Variants in MYCBP2 observed in about 807,000 individuals in gnomAD.
MYCBP2 encodes the protein MYC binding protein 2.
A neutral mutation model predicts 525.3 loss-of-function variants in MYCBP2; 120 were observed. That is an observed-to-expected ratio of 0.23 (90% confidence interval 0.20 to 0.27). MYCBP2 has a LOEUF of 0.27. Ranked by LOEUF, MYCBP2 falls within the 10% of genes least tolerant of loss-of-function variation. MYCBP2 has a pLI of 1.00. For synonymous variants in MYCBP2, 1,894 were observed against 1,955.8 expected (o/e 0.97, Z 0.83); for missense variants, 4,149 against 5,657.1 (o/e 0.73, Z 8.55).
chr13:77,136,075 TC>T (rs2053714126), intron 52 of MYCBP2, among the ~76,000 whole-genome samples: 2 of 152,198 alleles, frequency 1.3e-5, no homozygotes, highest in African/African-American at 4.8e-5. Context: ...CGTCTTGGCC[TC>T]CCAAAGTGCT....
intron 66 of MYCBP2, chr13:77,077,613 G>T: frequency 2.2e-6 from 1 of 447,884 alleles, no homozygotes; most frequent in South Asian, 4.1e-5. Flanking sequence ...TACAGGTTAA[G>T]GGATTTTCAG....
At chr13:77,248,613 A>C (rs540361443) in intron 15 of MYCBP2, among the ~76,000 whole-genome samples, 3 of 152,222 alleles carry the variant, frequency 2.0e-5, no homozygotes, top group Non-Finnish European at 4.4e-5. Context: ...ATAACAGATC[A>C]TAAGTGTTAA....
chr13:77,150,753 A>G lies in MYCBP2; in HGVS notation c.7112T>C (p.Ile2371Thr). Residue 2371 changes from isoleucine to threonine, a missense_variant, in exon 47 of 83, where the codon ATT becomes ACT. By Grantham distance (89) the Ile-to-Thr change is moderately conservative. This residue lies in a region of MYCBP2 where 692 missense variants were observed against 852.7 expected (regional missense o/e 0.81). Coordinates refer to ENST00000544440, the MANE Select transcript of MYCBP2 (RefSeq NM_015057.5). ...AATTACCTTCATCATTGTTATGGCA[A>G]TATATCGAGCTTCCTTCACTATCAT... Reference protein sequence around the residue: ...EPMIVKEARYIAITMMKVYEN... With the variant: ...EPMIVKEARYTAITMMKVYEN... 6.2e-7 allele frequency: 1 copy of G among 1,613,984 alleles called. No homozygotes were observed. The highest frequency in any genetic ancestry group is 8.5e-7 in the Non-Finnish European group (1 of 1,179,938).
chr13:77,062,505 T>C (rs560275433), intron 74 of MYCBP2, 91 bp downstream of exon 74: 20 of 1,042,990 alleles, frequency 1.9e-5, no homozygotes, highest in Middle Eastern at 2.1e-4. Flanking sequence ...TTTATGTTGA[T>C]GTGTTTTTTG....
chr13:77,073,543 A>T (rs2041746680), intron 68 of MYCBP2, among the ~76,000 whole-genome samples: 1 of 152,168 alleles, frequency 6.6e-6, no homozygotes, highest in African/African-American at 2.4e-5. Flanking sequence ...TAATCAATGC[A>T]ATAACACAAT....
intron 10 of MYCBP2, 40 bp from the exon 11 acceptor site, chr13:77,262,169 A>G (rs1482414097): frequency 6.6e-7 from 1 of 1,514,330 alleles, no homozygotes; most frequent in Middle Eastern, 1.7e-4. Context: ...CATTTCTAAT[A>G]TGAAGAATTC....
chr13:77,117,217 TA>T (rs1322151859), intron 55 of MYCBP2, among the ~76,000 whole-genome samples: 1 of 152,084 alleles, frequency 6.6e-6, no homozygotes, highest in Non-Finnish European at 1.5e-5. Flanking sequence ...CATGTGACAC[TA>T]TTTTGTTTCT....
intron 33 of MYCBP2, 149 bp from the exon 34 acceptor site, chr13:77,180,467 C>G (rs1215235240): frequency 1.6e-6 from 1 of 636,050 alleles, no homozygotes; most frequent in East Asian, 2.8e-5. Flanking sequence ...TATGTGGAGC[C>G]ACTTTTCACT....
At chr13:77,303,053 G>A (rs778606712) in intron 1 of MYCBP2, among the ~76,000 whole-genome samples, 6 of 152,284 alleles carry the variant, frequency 3.9e-5, no homozygotes, top group South Asian at 2.1e-4. Context: ...ATGATTAATC[G>A]GCCAGGCGCG....
In MYCBP2 at chr13:77,263,977, A is replaced by G; in HGVS notation, c.1383T>C (p.Ile461=). 1 of 1,612,702 alleles carries G rather than the reference A, an allele frequency of 6.2e-7. No individual in the cohort carries two copies. Among genetic ancestry groups the G allele is most frequent in the Non-Finnish European group, 8.5e-7 (1 of 1,179,124 alleles). The change falls in exon 9 of 83, where the codon ATT becomes ATC. Residue 461 remains isoleucine (I), a synonymous_variant. Coordinates refer to ENST00000544440, the MANE Select transcript of MYCBP2 (RefSeq NM_015057.5). ...LPDCHTEGQN[I]LFTDGEYINQ... ...TAATATATTCTCCATCAGTGAATAAAATATTTTGACCTTCAGTGTGGCAAT... is the reference window on the plus strand; with the variant it reads ...TAATATATTCTCCATCAGTGAATAAGATATTTTGACCTTCAGTGTGGCAAT...
At position 77,067,763 on chromosome 13, in the gene MYCBP2, G is replaced by T; in HGVS notation, c.12273C>A (p.Ile4091=). ...KSLPPADISD[I]IHSTEKGDWN... ...AGTCTCCTTTCTCTGTTGAGTGAAT[G>T]ATATCACTGATATCTGCTGGGGGGA... The change falls in exon 71 of 83, where the codon ATC becomes ATA. Residue 4091 remains isoleucine, a synonymous_variant. Coordinates refer to ENST00000544440, the MANE Select transcript of MYCBP2 (RefSeq NM_015057.5). 1 of 1,614,018 alleles carries T rather than the reference G, an allele frequency of 6.2e-7. No homozygotes were observed. The highest frequency in any genetic ancestry group is 8.5e-7 in the Non-Finnish European group (1 of 1,179,934).
chr13:77,256,267 GTTAAAAT>G (rs1360204606), intron 14 of MYCBP2, among the ~76,000 whole-genome samples: 1 of 152,144 alleles, frequency 6.6e-6, no homozygotes, highest in East Asian at 1.9e-4. Flanking sequence ...GCCAAAAATG[GTTAAAAT>G]TTAAAACATG....
chr13:77,177,435 G>A (rs55980120), intron 35 of MYCBP2, among the ~76,000 whole-genome samples: 4,425 of 147,906 alleles, frequency 0.03, 94 homozygotes, highest in East Asian at 0.052. Context: ...TCAACCTCCC[G>A]GGCTCAAGTG....
chr13:77,176,728 T>C, intron 35 of MYCBP2, 100 bp from the exon 36 acceptor site: 1 of 1,016,106 alleles, frequency 9.8e-7, no homozygotes, highest in Non-Finnish European at 1.3e-6. Flanking sequence ...TTTATTTTCT[T>C]GAATATAAAA....
chr13:77,093,709 G>C (rs748972463), intron 58 of MYCBP2, among the ~76,000 whole-genome samples: 9 of 152,048 alleles, frequency 5.9e-5, no homozygotes, highest in Non-Finnish European at 8.8e-5. Flanking sequence ...TTTCCTCTCA[G>C]AGCCATTCTC....
intron 34 of MYCBP2, among the ~76,000 whole-genome samples, chr13:77,178,635 TTCTAA>T (rs1177332195): frequency 6.6e-6 from 1 of 152,230 alleles, no homozygotes; most frequent in African/African-American, 2.4e-5. Context: ...CAAAGCCTAC[TTCTAA>T]TCTAACTTGG....
At chr13:77,269,502 G>A (rs1395725812) in intron 7 of MYCBP2, among the ~76,000 whole-genome samples, 1 of 152,042 alleles carries the variant, frequency 6.6e-6, no homozygotes, top group African/African-American at 2.4e-5. Flanking sequence ...GCTAGGCATG[G>A]TGGCATGGGC....
At chr13:77,099,141 C>G in intron 55 of MYCBP2, 128 bp from the exon 56 acceptor site, 3 of 1,212,686 alleles carry the variant, frequency 2.5e-6, no homozygotes, top group Non-Finnish European at 3.4e-6. Flanking sequence ...TACTAAAATA[C>G]TTGAAGAATA....
intron 24 of MYCBP2, among the ~76,000 whole-genome samples, chr13:77,206,062 A>T (rs759370991): frequency 6.6e-6 from 1 of 152,156 alleles, no homozygotes; most frequent in Non-Finnish European, 1.5e-5. Context: ...ATATGATTTC[A>T]CACCTGCAAG....
Sources: gnomAD v4.1 joint callset for allele counts (sites outside exome capture counted in the v4.1 genomes callset) on GRCh38, gnomAD v4.1.1 for gene constraint, gnomAD v4.1.1 regional missense constraint, MANE v1.5 for transcripts, NCBI Gene and HGNC (gene_info 2026-07-23, HGNC 2026-07-21) for gene names.